The following SLC26A5 variants were observed in gnomAD, a reference collection of about 807,000 sequenced individuals.
SLC26A5 encodes the protein prestin.
Under a neutral mutation model 81.0 loss-of-function variants are expected in SLC26A5, and 51 were observed. The ratio of observed to expected loss-of-function variants is 0.63; its 90% CI spans 0.50 to 0.80. The LOEUF is 0.80. SLC26A5 is among the 30% of genes least tolerant of loss of function. The pLI, the probability that SLC26A5 is intolerant of heterozygous loss-of-function variation, is 0.00. For missense variants in SLC26A5, 771 were observed against 905.8 expected (o/e 0.85, Z 1.91); for synonymous variants, 325 against 332.8 (o/e 0.98, Z 0.25).
intron 2 of SLC26A5, among the ~76,000 whole-genome samples, chr7:103,423,689 A>G (rs1199690033): frequency 3.9e-5 from 6 of 152,142 alleles, no homozygotes; most frequent in Admixed American, 3.9e-4. Flanking sequence ...ACCATCTTGG[A>G]AGCAGAGACA....
intron 1 of SLC26A5, chr7:103,445,494 C>T (rs1437257830): frequency 6.6e-6 from 1 of 152,240 alleles, no homozygotes; most frequent in Non-Finnish European, 1.5e-5. Context: ...GGGGCCAATA[C>T]CAAATTTTAG....
intron 19 of SLC26A5, among the ~76,000 whole-genome samples, chr7:103,356,403 T>C (rs890315095): frequency 4.6e-5 from 7 of 152,214 alleles, no homozygotes; most frequent in African/African-American, 1.4e-4. Context: ...GTCAAAGATA[T>C]TATAGTTTTA....
intron 19 of SLC26A5, chr7:103,353,060 A>G: frequency 1.3e-6 from 1 of 758,396 alleles, no homozygotes; most frequent in Non-Finnish European, 2.5e-6. Context: ...GCAGCTAAGC[A>G]AATTCAGAAA....
In SLC26A5 at chr7:103,379,317, T is replaced by C. The variant is rs1399469814; in HGVS notation, c.1603A>G (p.Ile535Val). The stretch of plus-strand genomic sequence containing the variant: ...GGTGCATTTATTTGAAATATTTTTA[T>C]TCCAGGAATTTCTTTCACCTGAAGA... Reference protein sequence around the residue: ...AYEEVKEIPGIKIFQINAPIY... With the variant: ...AYEEVKEIPGVKIFQINAPIY... Residue 535 changes from isoleucine to valine, a missense_variant, in exon 16 of 20, where the codon ATA becomes GTA. Transcript: ENST00000306312. 6.2e-7 allele frequency: 1 copy of C among 1,605,536 alleles called. No homozygotes were observed. The highest frequency in any genetic ancestry group is 1.7e-5 in the Admixed American group (1 of 59,970).
rs183755789 is a variant in SLC26A5, at chr7:103,429,994, C to T, written c.-53-8427G>A. ...CCCCTTAAATTCCTCTGCCAAAGGACTCTTACACGTTAATATCCGTAGAGG... is the reference window on the plus strand; with the variant it reads ...CCCCTTAAATTCCTCTGCCAAAGGATTCTTACACGTTAATATCCGTAGAGG... On this transcript the variant is annotated intron_variant, in intron 2 of 19. Transcript: ENST00000306312. Among the ~76,000 whole-genome samples the T allele has an allele frequency of 1.2e-4, 19 of 152,200 alleles. No individual in the cohort carries two copies. The East Asian group carries it at 3.5e-3, about 28-fold the overall frequency.
chr7:103,445,853 G>A (rs1264853932), intron 1 of SLC26A5: 1 of 152,940 alleles, frequency 6.5e-6, no homozygotes, highest in Non-Finnish European at 1.5e-5. Context: ...AGGGCAAGGG[G>A]ACAGGGGTTG....
At chr7:103,378,079 A>G (rs531809412) in intron 17 of SLC26A5, among the ~76,000 whole-genome samples, 1 of 152,264 alleles carries the variant, frequency 6.6e-6, no homozygotes, top group African/African-American at 2.4e-5. Flanking sequence ...ATTTTCTGCT[A>G]AAGTCTAAAA....
rs374024755 is a variant in SLC26A5, at chr7:103,362,555, T to G, written c.2042-9629A>C. ...TCAGATTTCATGCTCTCTTTATTTCTCTTTATATAATTAGGGACTCTGTCT... is the reference window on the plus strand; with the variant it reads ...TCAGATTTCATGCTCTCTTTATTTCGCTTTATATAATTAGGGACTCTGTCT... On this transcript the variant is annotated intron_variant, in intron 19 of 19. Coordinates refer to the SLC26A5 transcript ENST00000339444. 6.2e-5 allele frequency: 88 copies of G among 1,415,750 alleles called. No individual in the cohort carries two copies. The East Asian group carries it at 1.1e-3, about 17-fold the overall frequency. The allele number at this position is 1,415,750 out of a possible 1,614,324, so 87.7% of individuals were successfully genotyped here. A position where few individuals can be genotyped will look rare whatever the true frequency, so the allele number is the denominator to read the frequency against.
chr7:103,383,870 A>G (rs1406908231), intron 14 of SLC26A5, among the ~76,000 whole-genome samples: 2 of 152,012 alleles, frequency 1.3e-5, no homozygotes, highest in African/African-American at 4.8e-5. Context: ...CTCACAATGC[A>G]ATGTCTCACA....
rs567036010 is a variant in SLC26A5, at chr7:103,375,113, A to T, written c.2042-521T>A. Among the ~76,000 whole-genome samples the T allele has an allele frequency of 4.8e-5, 7 of 146,242 alleles. No individual in the cohort carries two copies. The Admixed American group carries it at 4.8e-4, about 10-fold the overall frequency. Reference sequence around the variant, plus strand: ...ACACATATATATACATATATATATAAAATGCTGTTTTGGGGATAAGAAAAG... The same window carrying T: ...ACACATATATATACATATATATATATAATGCTGTTTTGGGGATAAGAAAAG... On this transcript the variant is annotated intron_variant, in intron 19 of 19. Coordinates refer to ENST00000306312, the MANE Select transcript of SLC26A5 (RefSeq NM_198999.3).
chr7:103,436,511 C>T (rs1826465825), intron 2 of SLC26A5, among the ~76,000 whole-genome samples: 1 of 152,180 alleles, frequency 6.6e-6, no homozygotes, highest in South Asian at 2.1e-4. Flanking sequence ...TGCTAAGCAT[C>T]TACTGAAGGA....
chr7:103,411,182 A>G (rs774290140), intron 6 of SLC26A5, among the ~76,000 whole-genome samples: 4 of 152,034 alleles, frequency 2.6e-5, no homozygotes, highest in Non-Finnish European at 5.9e-5. Context: ...GCACTAACCA[A>G]TCCTGCCGTG....
At chr7:103,380,363 T>C in intron 15 of SLC26A5, 117 bp downstream of exon 15, 1 of 783,202 alleles carries the variant, frequency 1.3e-6, no homozygotes, top group Non-Finnish European at 2.2e-6. Context: ...CTCAGACTTT[T>C]CACTTTGACC....
chr7:103,434,513 C>G (rs1010731024), intron 2 of SLC26A5, among the ~76,000 whole-genome samples: 2 of 152,022 alleles, frequency 1.3e-5, no homozygotes, highest in Non-Finnish European at 2.9e-5. Flanking sequence ...TTGTCAATTT[C>G]TTACCTTTTA....
Position 103,408,023 on chromosome 7 carries a change from G to C in SLC26A5, c.736-20C>G. The stretch of plus-strand genomic sequence containing the variant: ...TGTACTCTGTAACACAGTGAATGCT[G>C]GATGTTTACATCAAGAAATCGCCCC... On this transcript the variant is annotated intron_variant, in intron 7 of 19. Coordinates refer to ENST00000306312, the MANE Select transcript of SLC26A5 (RefSeq NM_198999.3). 3 of 1,613,828 alleles carry C rather than the reference G, an allele frequency of 1.9e-6. No homozygotes were observed. Among genetic ancestry groups the C allele is most frequent in the South Asian group, 2.2e-5 (2 of 91,066 alleles).
chr7:103,405,163 A>G (rs143224919), intron 8 of SLC26A5, among the ~76,000 whole-genome samples: 3,495 of 151,958 alleles, frequency 0.023, 121 homozygotes, highest in African/African-American at 0.08. Flanking sequence ...GTTATTACCC[A>G]CCTTCTGAAG....
At chr7:103,380,875 T>C (rs1027431920) in intron 14 of SLC26A5, among the ~76,000 whole-genome samples, 1 of 150,774 alleles carries the variant, frequency 6.6e-6, no homozygotes, top group Non-Finnish European at 1.5e-5. Flanking sequence ...ACATACACAA[T>C]ATACATACCT....
intron 17 of SLC26A5, 117 bp from the exon 18 acceptor site, chr7:103,377,916 C>T: frequency 1.1e-6 from 1 of 923,934 alleles, no homozygotes; most frequent in South Asian, 1.4e-5. Flanking sequence ...CTCTACCAGA[C>T]CCCTTGTAAA....
In SLC26A5 at chr7:103,377,521, A is replaced by G. The variant is rs1821440768; in HGVS notation, c.1986+78T>C. On this transcript the variant is annotated intron_variant, in intron 18 of 19. Coordinates refer to ENST00000306312, the MANE Select transcript of SLC26A5 (RefSeq NM_198999.3). ...AAATCTTTTGTTGAAAAGAGAGCCT[A>G]GCCCACCTCCCTGATTATGCTGATA... 5.2e-6 allele frequency: 7 copies of G among 1,333,476 alleles called. No homozygotes were observed. The Admixed American group carries it at 1.2e-4, about 23-fold the overall frequency. 82.6% of individuals were successfully genotyped at this position (1,333,476 alleles called of 1,614,324 possible). A position where few individuals can be genotyped will look rare whatever the true frequency, so the allele number is the denominator to read the frequency against.
Sources: gnomAD v4.1 joint callset for allele counts (sites outside exome capture counted in the v4.1 genomes callset) on GRCh38, gnomAD v4.1.1 for gene constraint, MANE v1.5 for transcripts, NCBI Gene and HGNC (gene_info 2026-07-23, HGNC 2026-07-21) for gene names.